The following BMP5 variants were observed in gnomAD, a reference collection of about 807,000 sequenced individuals.
BMP5 encodes the protein bone morphogenetic protein 5.
BMP5 carries 23 observed loss-of-function variants against 46.6 expected under a neutral mutation model. The ratio of observed to expected loss-of-function variants is 0.49; its 90% CI spans 0.35 to 0.70. The LOEUF (loss-of-function observed/expected upper bound fraction) is 0.70. BMP5 is among the 30% of genes least tolerant of loss of function. The pLI is 0.00. For missense variants in BMP5, 545 were observed against 565.6 expected, an observed-to-expected ratio of 0.96 and a Z score of 0.37; for synonymous variants, 204 against 191.9, an observed-to-expected ratio of 1.06 and a Z score of -0.52.
At chr6:55,782,815 T>C (rs1033517596) in intron 3 of BMP5, among the ~76,000 whole-genome samples, 1 of 152,106 alleles carries the variant, frequency 6.6e-6, no homozygotes, top group Non-Finnish European at 1.5e-5. Context: ...TTTTACCAGT[T>C]GATTTGTATA....
intron 2 of BMP5, among the ~76,000 whole-genome samples, chr6:55,814,326 A>G (rs1776205961): frequency 6.6e-6 from 1 of 152,176 alleles, no homozygotes; most frequent in Non-Finnish European, 1.5e-5. Flanking sequence ...AAACTAACAT[A>G]GATGCTCATA....
intron 2 of BMP5, among the ~76,000 whole-genome samples, chr6:55,796,637 C>T (rs1278406844): frequency 6.7e-6 from 1 of 150,068 alleles, no homozygotes; most frequent in South Asian, 2.1e-4. Context: ...TCTCCCAATG[C>T]TATCCCTTCC....
rs114638243 is a variant in BMP5, at chr6:55,851,574, A to G, written c.490+22802T>C. Among the ~76,000 whole-genome samples, 761 of 152,292 alleles carry G rather than the reference A, an allele frequency of 5.0e-3. 8 individuals carry two copies. The highest frequency in any genetic ancestry group is 0.017 in the African/African-American group (721 of 41,574). On this transcript the variant is annotated intron_variant, in intron 1 of 6. Transcript: ENST00000370830. ...GGAGAGAGGAATAGGCAGTAGAACCACTGAACTGCAAAGGAATCTGTGGAC... is the reference window on the plus strand; with the variant it reads ...GGAGAGAGGAATAGGCAGTAGAACCGCTGAACTGCAAAGGAATCTGTGGAC...
chr6:55,853,138 TAAA>T (rs1777288044), intron 1 of BMP5, among the ~76,000 whole-genome samples: 1 of 107,442 alleles, frequency 9.3e-6, no homozygotes, highest in Non-Finnish European at 1.9e-5. Context: ...CTCAAATACA[TAAA>T]TAAAATAAAA....
At chr6:55,841,014 T>C (rs549952824) in intron 1 of BMP5, among the ~76,000 whole-genome samples, 7 of 152,266 alleles carry the variant, frequency 4.6e-5, no homozygotes, top group African/African-American at 1.7e-4. Context: ...CTGCCTCCTG[T>C]CAAACCAGCA....
chr6:55,807,701 C>T (rs1232631478), intron 2 of BMP5, among the ~76,000 whole-genome samples: 4 of 151,574 alleles, frequency 2.6e-5, no homozygotes, highest in African/African-American at 4.9e-5. Context: ...GGTTTTTTTT[C>T]GGTTGGTAGG....
chr6:55,758,656 C>A (rs1774675451), intron 6 of BMP5, among the ~76,000 whole-genome samples: 1 of 151,826 alleles, frequency 6.6e-6, no homozygotes, highest in African/African-American at 2.4e-5. Context: ...AGCTATTACT[C>A]AATGTTTTTG....
At chr6:55,853,112 C>T (rs1777286509) in intron 1 of BMP5, among the ~76,000 whole-genome samples, 1 of 147,838 alleles carries the variant, frequency 6.8e-6, no homozygotes, top group Admixed American at 6.9e-5. Flanking sequence ...GCCTGGGTTA[C>T]AGAGGAAGAC....
Position 55,819,728 on chromosome 6 carries a change from G to T in BMP5, c.610C>A (p.Arg204=). 1.9e-6 allele frequency: 3 copies of T among 1,613,656 alleles called. No individual in the cohort carries two copies. The highest frequency in any genetic ancestry group is 2.5e-6 in the Non-Finnish European group (3 of 1,179,862). Residue 204 remains arginine (R), a synonymous_variant, in exon 2 of 7, where the codon CGG becomes AGG. Transcript: ENST00000370830. ...TCATTTTCAAATCGGTTGTTGCTCC[G>T]GTCCTTGTATATCCGGAATTCAGCT... ...TAAEFRIYKD[R]SNNRFENETI... is the part of the protein sequence containing the mutation.
chr6:55,755,658 C>T lies in BMP5; in HGVS notation c.1240G>A (p.Val414Ile), dbSNP rs557833545. Reference sequence around the variant, plus strand: ...GTTGGAGCACAACAAGGCTTTGGTACGTGGTCAGGAAACATCAGATGAACC... The same window carrying T: ...GTTGGAGCACAACAAGGCTTTGGTATGTGGTCAGGAAACATCAGATGAACC... ...TLVHLMFPDH[V>I]PKPCCAPTKL... The change falls in exon 7 of 7, where the codon GTA becomes ATA. Residue 414 changes from valine to isoleucine, a missense_variant. Val to Ile is a conservative substitution (Grantham distance 29). Transcript: ENST00000370830. 135 of 1,611,882 alleles carry T rather than the reference C, an allele frequency of 8.4e-5. No homozygotes were observed. The highest frequency in any genetic ancestry group is 6.7e-4 in the Admixed American group (40 of 59,776).
Position 55,754,786 on chromosome 6 carries a change from T to C in BMP5, c.*747A>G, listed in dbSNP as rs1194941954. 1 of 151,964 alleles carries C rather than the reference T, an allele frequency of 6.6e-6. No homozygotes were observed. The highest frequency in any genetic ancestry group is 1.5e-5 in the Non-Finnish European group (1 of 67,926). 9.4% of individuals were successfully genotyped at this position (151,964 alleles called of 1,614,324 possible). On this transcript the variant is annotated 3_prime_UTR_variant, in exon 7 of 7. Coordinates refer to ENST00000370830, the MANE Select transcript of BMP5 (RefSeq NM_021073.4). ...ATAGGCAGACATGATTTATTTGAGG[T>C]AAGAAGGTTGTACTACAATTAGTGT...
chr6:55,794,055 C>T (rs1375869261), intron 3 of BMP5, among the ~76,000 whole-genome samples: 5 of 152,124 alleles, frequency 3.3e-5, no homozygotes, highest in Admixed American at 6.6e-5. Context: ...AGTAGCAGTA[C>T]CTACGTCTTC....
chr6:55,819,831 A>G lies in BMP5; in HGVS notation c.507T>C (p.Asp169=). ...TGTAATGCCTTCGCTGGTGAGAAAA[A>G]TCCTTGTCTCTTTCAACTGAAAAAA... ...SFVNLVERDK[D]FSHQRRHYKE... is the part of the protein sequence containing the mutation. The change falls in exon 2 of 7, where the codon GAT becomes GAC. Residue 169 remains aspartate (D), a synonymous_variant. Coordinates refer to ENST00000370830, the MANE Select transcript of BMP5 (RefSeq NM_021073.4). The G allele has an allele frequency of 6.2e-7, 1 of 1,613,702 alleles. No individual in the cohort carries two copies. The highest frequency in any genetic ancestry group is 1.3e-5 in the African/African-American group (1 of 75,036).
chr6:55,755,614 A>T lies in BMP5; in HGVS notation c.1284T>A (p.Ser428=), dbSNP rs1774570637. 22 of 1,612,388 alleles carry T rather than the reference A, an allele frequency of 1.4e-5. No individual in the cohort carries two copies. The highest frequency in any genetic ancestry group is 1.9e-5 in the Non-Finnish European group (22 of 1,178,786). The change falls in exon 7 of 7, where the codon TCT becomes TCA. Residue 428 remains serine, a synonymous_variant. Coordinates refer to ENST00000370830, the MANE Select transcript of BMP5 (RefSeq NM_021073.4). Reference sequence around the variant, plus strand: ...TGGAGCTGTCATCAAAGTACAGAACAGAGATGGCATTTAATTTGGTTGGAG... The same window carrying T: ...TGGAGCTGTCATCAAAGTACAGAACTGAGATGGCATTTAATTTGGTTGGAG... ...CCAPTKLNAI[S]VLYFDDSSNV...
At chr6:55,786,733 T>C (rs1242569381) in intron 3 of BMP5, among the ~76,000 whole-genome samples, 1 of 151,680 alleles carries the variant, frequency 6.6e-6, no homozygotes, top group African/African-American at 2.4e-5. Context: ...ATCATAAGTG[T>C]ATATCTTCTT....
intron 4 of BMP5, among the ~76,000 whole-genome samples, chr6:55,769,311 T>A (rs1774991707): frequency 6.6e-6 from 1 of 151,988 alleles, no homozygotes. Flanking sequence ...TTATTTAAAA[T>A]GCTAAATCCT....
intron 5 of BMP5, among the ~76,000 whole-genome samples, chr6:55,759,436 C>A (rs1012219475): frequency 6.6e-6 from 1 of 151,440 alleles, no homozygotes; most frequent in Admixed American, 6.6e-5. Flanking sequence ...CATGTATTCA[C>A]GAATAAAACT....
At chr6:55,795,325 C>T (rs1220665972) in intron 2 of BMP5, among the ~76,000 whole-genome samples, 1 of 152,024 alleles carries the variant, frequency 6.6e-6, no homozygotes, top group Admixed American at 6.6e-5. Flanking sequence ...AACACTGTAT[C>T]TCCCTCAAGA....
At chr6:55,796,392 ACT>A (rs1226708543) in intron 2 of BMP5, among the ~76,000 whole-genome samples, 1 of 151,636 alleles carries the variant, frequency 6.6e-6, no homozygotes, top group Non-Finnish European at 1.5e-5. Flanking sequence ...AATTCTCCAA[ACT>A]CTCCATGTTC....
Sources: allele counts gnomAD v4.1 joint callset (sites outside exome capture counted in the v4.1 genomes callset), GRCh38; gene constraint gnomAD v4.1.1; transcripts MANE v1.5; gene names NCBI Gene and HGNC (gene_info 2026-07-23, HGNC 2026-07-21).